RYK: variants seen among roughly 807,000 people sequenced by gnomAD.
RYK encodes the protein inactive tyrosine-protein kinase RYK.
In RYK, 21 loss-of-function variants were observed where a neutral mutation model predicts 70.2. That is an observed-to-expected ratio of 0.30 (90% CI 0.21 to 0.43). The LOEUF (loss-of-function observed/expected upper bound fraction) is 0.43, where lower values mean the gene tolerates loss of function less well. Among genes scored for constraint, RYK ranks in the 20% least tolerant of loss-of-function variants. The pLI, the probability that RYK is intolerant of heterozygous loss-of-function variation, is 1.00. For synonymous variants in RYK, 267 were observed against 278.0 expected (o/e 0.96, Z 0.39); for missense variants, 604 against 753.3 (o/e 0.80, Z 2.32).
At chr3:134,197,766 G>C (rs557677351) in intron 6 of RYK, among the ~76,000 whole-genome samples, 1 of 152,314 alleles carries the variant, frequency 6.6e-6, no homozygotes, top group African/African-American at 2.4e-5. Context: ...AATTGTATGA[G>C]ATATGTGAAA....
rs535789683 is a variant in RYK at position 134,164,213 on chromosome 3, T to C, written c.1576-4840A>G. On this transcript the variant is annotated intron_variant, in intron 13 of 14. Coordinates refer to ENST00000623711, the MANE Select transcript of RYK (RefSeq NM_002958.4). ...ATTTAGCAAGTAGTCCTAGATTTGT[T>C]AGCTGCAGTGATCAGACAGTAAAGA... is the stretch of plus-strand genomic sequence containing the variant. Among the ~76,000 whole-genome samples the C allele has an allele frequency of 3.3e-5, 5 of 152,302 alleles. No homozygotes were observed. The South Asian group carries it at 8.3e-4, about 25-fold the overall frequency.
At chr3:134,172,251 A>C (rs2012938627) in intron 13 of RYK, among the ~76,000 whole-genome samples, 1 of 152,234 alleles carries the variant, frequency 6.6e-6, no homozygotes, top group Non-Finnish European at 1.5e-5. Flanking sequence ...ACACTAAGAA[A>C]AGTTTACTTC....
At position 134,250,634 on chromosome 3, in the gene RYK, C is replaced by T. The variant is rs2015594390; in HGVS notation, c.21G>A (p.Leu7=). ...GGAGGCAACTCCGGCCCGGCCGCCC[C>T]AGCCGCGCCGCCCCACGCATGGCCG... MRGAAR[L]GRPGRSCLPG... Residue 7 remains leucine (L), a synonymous_variant, in exon 1 of 15, where the codon CTG becomes CTA. Transcript: ENST00000623711. 5.1e-6 allele frequency: 5 copies of T among 987,010 alleles called. No homozygotes were observed. In the African/African-American group the frequency reaches 7.0e-5, roughly 14 times the overall value. The allele number at this position is 987,010 out of a possible 1,614,324, so 61.1% of individuals were successfully genotyped here. A position where few individuals can be genotyped will look rare whatever the true frequency, so the allele number is the denominator to read the frequency against.
intron 2 of RYK, among the ~76,000 whole-genome samples, chr3:134,217,114 A>C (rs1478546404): frequency 6.6e-6 from 1 of 152,214 alleles, no homozygotes; most frequent in Non-Finnish European, 1.5e-5. Flanking sequence ...GAAAACACTG[A>C]GAAACAGTAT....
At chr3:134,216,666 G>A (rs777919021) in intron 2 of RYK, among the ~76,000 whole-genome samples, 6 of 151,572 alleles carry the variant, frequency 4.0e-5, no homozygotes, top group Non-Finnish European at 8.8e-5. Context: ...GGTAGCGGGC[G>A]CCTGTTGACC....
intron 4 of RYK, among the ~76,000 whole-genome samples, chr3:134,208,922 AT>A (rs536877593): frequency 1.2e-3 from 184 of 151,290 alleles, no homozygotes; most frequent in African/African-American, 4.1e-3. Context: ...TTTAAAGTAT[AT>A]TTCCCCCCCC....
chr3:134,211,367 C>CA, intron 3 of RYK, 141 bp downstream of exon 3: 2 of 505,916 alleles, frequency 4.0e-6, no homozygotes, highest in Non-Finnish European at 6.9e-6. Flanking sequence ...CAAATATTTA[C>CA]AAAAATTACT....
chr3:134,212,977 C>T lies in RYK; in HGVS notation c.355-1370G>A, dbSNP rs376970824. 5.9e-5 allele frequency among the ~76,000 whole-genome samples: 9 copies of T among 152,300 alleles called. No individual in the cohort carries two copies. The South Asian group carries it at 1.2e-3, about 21-fold the overall frequency. ...TAAAGGCTGTGTTTGATAAGTGCCA[C>T]ATTCCCAACAAAGGAAATGTTCTTG... On this transcript the variant is annotated intron_variant, in intron 2 of 14. Transcript: ENST00000623711.
chr3:134,159,450 G>A, intron 13 of RYK, 77 bp from the exon 14 acceptor site: 8 of 1,391,780 alleles, frequency 5.7e-6, no homozygotes, highest in East Asian at 4.8e-5. Flanking sequence ...GCCAGCTACA[G>A]GACAAAAAAT....
intron 7 of RYK, among the ~76,000 whole-genome samples, chr3:134,194,406 T>C (rs772482629): frequency 6.6e-6 from 1 of 152,212 alleles, no homozygotes; most frequent in Non-Finnish European, 1.5e-5. Flanking sequence ...TCTTCAAGTC[T>C]TAGCTATTTC....
At chr3:134,195,615 G>A (rs747534361) in intron 6 of RYK, among the ~76,000 whole-genome samples, 2 of 152,200 alleles carry the variant, frequency 1.3e-5, no homozygotes, top group Non-Finnish European at 2.9e-5. Flanking sequence ...TAAAGAAAGA[G>A]CAAACCAAAT....
chr3:134,247,669 T>C (rs1468645448), intron 1 of RYK, among the ~76,000 whole-genome samples: 1 of 149,392 alleles, frequency 6.7e-6, no homozygotes, highest in Non-Finnish European at 1.5e-5. Context: ...ACCATTGGAC[T>C]CCAGCCTGGG....
chr3:134,209,668 A>G (rs1463049185), intron 4 of RYK, 27 bp downstream of exon 4: 9 of 1,400,782 alleles, frequency 6.4e-6, no homozygotes. Flanking sequence ...TACATGTAAA[A>G]CATATTTTGG....
intron 1 of RYK, among the ~76,000 whole-genome samples, chr3:134,243,052 A>T (rs565167184): frequency 6.6e-6 from 1 of 152,132 alleles, no homozygotes; most frequent in Non-Finnish European, 1.5e-5. Flanking sequence ...TGGGCAGAGG[A>T]CACCTTCAAC....
chr3:134,168,790 TAAG>T (rs1032003336), intron 13 of RYK, among the ~76,000 whole-genome samples: 8 of 151,828 alleles, frequency 5.3e-5, no homozygotes, highest in Non-Finnish European at 7.4e-5. Flanking sequence ...ATAATAATAA[TAAG>T]AAGAAGCATC....
intron 4 of RYK, among the ~76,000 whole-genome samples, chr3:134,208,698 G>C (rs896457034): frequency 6.6e-6 from 1 of 152,148 alleles, no homozygotes; most frequent in East Asian, 1.9e-4. Flanking sequence ...TTAAAAGAAA[G>C]TTTAACAAAG....
intron 1 of RYK, among the ~76,000 whole-genome samples, chr3:134,244,881 G>A (rs2015415824): frequency 6.6e-6 from 1 of 152,180 alleles, no homozygotes; most frequent in African/African-American, 2.4e-5. Context: ...CCTCATGAAT[G>A]GGATTAGAGC....
chr3:134,247,029 T>C (rs1206545404), intron 1 of RYK, among the ~76,000 whole-genome samples: 2 of 151,746 alleles, frequency 1.3e-5, no homozygotes, highest in Non-Finnish European at 2.9e-5. Flanking sequence ...CTTGGAGTAG[T>C]TGAGGGAACA....
intron 6 of RYK, among the ~76,000 whole-genome samples, chr3:134,195,988 CACAAT>C (rs1004506445): frequency 6.6e-6 from 1 of 151,630 alleles, no homozygotes; most frequent in African/African-American, 2.4e-5. Flanking sequence ...TTTATTTAAA[CACAAT>C]ACATTTTGCT....
Sources: gnomAD v4.1 joint callset for allele counts (sites outside exome capture counted in the v4.1 genomes callset) on GRCh38, gnomAD v4.1.1 for gene constraint, MANE v1.5 for transcripts, NCBI Gene and HGNC (gene_info 2026-07-23, HGNC 2026-07-21) for gene names.